The following CUL1 variants were observed in gnomAD, a reference collection of about 807,000 sequenced individuals.
The protein encoded by CUL1 is cullin-1.
CUL1 carries 24 observed loss-of-function variants against 118.0 expected under a neutral mutation model. The ratio of observed to expected loss-of-function variants is 0.20; its 90% confidence interval spans 0.15 to 0.29. The LOEUF is 0.29. Among genes scored for constraint, CUL1 ranks in the 10% least tolerant of loss-of-function variants. The probability of loss-of-function intolerance (pLI) is 1.00; values close to 1 mark genes in which losing one functional copy is unlikely to be tolerated. For missense variants in CUL1, 361 were observed against 933.8 expected, an observed-to-expected ratio of 0.39 and a Z score of 7.99; for synonymous variants, 332 against 340.4, an observed-to-expected ratio of 0.98 and a Z score of 0.27.
rs34247883 is a variant in CUL1 at position 148,782,850 on chromosome 7, C to T, written c.1084-933C>T. Among the ~76,000 whole-genome samples the T allele has an allele frequency of 7.4e-4, 113 of 152,188 alleles. 1 individual carries two copies. Among genetic ancestry groups the T allele is most frequent in the African/African-American group, 2.3e-3 (96 of 41,508 alleles). ...ATGTGGAAACATGGGCGTGCCGCGG[C>T]GCCTGGATCTGTGCTTGGCTGGGGG... is the stretch of plus-strand genomic sequence containing the variant. On this transcript the variant is annotated intron_variant, in intron 9 of 21. Coordinates refer to ENST00000325222, the MANE Select transcript of CUL1 (RefSeq NM_003592.3).
chr7:148,782,532 CTTTTAATG>C, intron 9 of CUL1, among the ~76,000 whole-genome samples: 1 of 152,274 alleles, frequency 6.6e-6, no homozygotes, highest in South Asian at 2.1e-4. Context: ...ATTAAGTTCC[CTTTTAATG>C]TTTTCTCTTA....
At chr7:148,747,088 C>T (rs964093784) in intron 2 of CUL1, among the ~76,000 whole-genome samples, 7 of 152,184 alleles carry the variant, frequency 4.6e-5, no homozygotes, top group Non-Finnish European at 1.0e-4. Context: ...AAAAGGAATG[C>T]ACTTGTTGAA....
chr7:148,747,455 G>A (rs546132874), intron 2 of CUL1, among the ~76,000 whole-genome samples: 3 of 152,328 alleles, frequency 2.0e-5, no homozygotes, highest in Non-Finnish European at 2.9e-5. Flanking sequence ...ATAAGGACTT[G>A]AGCAAGGTAG....
intron 11 of CUL1, 45 bp from the exon 12 acceptor site, chr7:148,786,506 A>G: frequency 6.8e-7 from 1 of 1,475,348 alleles, no homozygotes; most frequent in South Asian, 1.1e-5. Flanking sequence ...TGCTTGTTTA[A>G]ACGTACTGAT....
At chr7:148,697,858 T>C (rs1797574150), upstream of CUL1, 1 of 152,242 alleles carries the variant, frequency 6.6e-6, no homozygotes. Flanking sequence ...TTCCAAATAG[T>C]CAATTATGAC....
intron 2 of CUL1, among the ~76,000 whole-genome samples, chr7:148,731,132 G>A (rs1437850706): frequency 6.6e-6 from 1 of 152,244 alleles, no homozygotes; most frequent in East Asian, 1.9e-4. Flanking sequence ...CAAAGGTGAT[G>A]AGGGTGGAAA....
chr7:148,774,137 G>A (rs1800320480), intron 9 of CUL1, among the ~76,000 whole-genome samples: 1 of 152,198 alleles, frequency 6.6e-6, no homozygotes, highest in African/African-American at 2.4e-5. Context: ...TGTGTGCAAT[G>A]CAGTCCGTTA....
At chr7:148,736,571 GGGGTTATA>G (rs1233050789) in intron 2 of CUL1, among the ~76,000 whole-genome samples, 1 of 152,136 alleles carries the variant, frequency 6.6e-6, no homozygotes, top group African/African-American at 2.4e-5. Context: ...CCAAAGTTGT[GGGGTTATA>G]GGCATGAACC....
At chr7:148,761,443 G>A (rs528385714) in intron 7 of CUL1, among the ~76,000 whole-genome samples, 7 of 152,274 alleles carry the variant, frequency 4.6e-5, no homozygotes, top group Admixed American at 6.5e-5. Context: ...CCTGGGAGGC[G>A]GAGGTTGCAG....
chr7:148,781,424 A>G (rs1172493979), intron 9 of CUL1, among the ~76,000 whole-genome samples: 1 of 152,110 alleles, frequency 6.6e-6, no homozygotes, highest in African/African-American at 2.4e-5. Flanking sequence ...GTTCCATGCA[A>G]GTCCTCCCAT....
intron 20 of CUL1, 147 bp from the exon 21 acceptor site, chr7:148,799,128 G>T (rs891471538): frequency 3.3e-6 from 2 of 606,544 alleles, no homozygotes; most frequent in South Asian, 2.1e-5. Flanking sequence ...TCCCTCTCCC[G>T]TCTCACCTGC....
At chr7:148,699,692 G>A (rs1797654594) in intron 1 of CUL1, among the ~76,000 whole-genome samples, 1 of 151,988 alleles carries the variant, frequency 6.6e-6, no homozygotes. Flanking sequence ...CCGTTCTCCT[G>A]GGAGAGCGGG....
chr7:148,706,633 A>T (rs73465476), intron 1 of CUL1, among the ~76,000 whole-genome samples: 1 of 125,836 alleles, frequency 7.9e-6, no homozygotes, highest in African/African-American at 3.0e-5. Flanking sequence ...TACATGTTCT[A>T]TATATAGGGG....
intron 2 of CUL1, among the ~76,000 whole-genome samples, chr7:148,750,133 G>A (rs1426889089): frequency 6.6e-6 from 1 of 152,146 alleles, no homozygotes; most frequent in Non-Finnish European, 1.5e-5. Context: ...AAGAAAAGAA[G>A]CCATCTTTTA....
At chr7:148,703,092 T>G (rs1222458710) in intron 1 of CUL1, among the ~76,000 whole-genome samples, 1 of 152,182 alleles carries the variant, frequency 6.6e-6, no homozygotes, top group African/African-American at 2.4e-5. Flanking sequence ...AGCTCAGGCT[T>G]TTAACCAGAT....
At chr7:148,782,489 T>C (rs1800674276) in intron 9 of CUL1, among the ~76,000 whole-genome samples, 1 of 152,264 alleles carries the variant, frequency 6.6e-6, no homozygotes, top group African/African-American at 2.4e-5. Context: ...TGCCTTTCAA[T>C]ATTAAGTGAT....
chr7:148,737,132 A>G (rs1198209469), intron 2 of CUL1, among the ~76,000 whole-genome samples: 1 of 151,798 alleles, frequency 6.6e-6, no homozygotes, highest in African/African-American at 2.4e-5. Flanking sequence ...GAAATTGTAT[A>G]TCTGTCTTAA....
chr7:148,786,009 T>G (rs1460804700), intron 11 of CUL1, among the ~76,000 whole-genome samples: 1 of 152,202 alleles, frequency 6.6e-6, no homozygotes, highest in Non-Finnish European at 1.5e-5. Flanking sequence ...GTACAAAAAT[T>G]CATCTACCTT....
intron 2 of CUL1, among the ~76,000 whole-genome samples, chr7:148,743,043 A>G (rs932372435): frequency 2.0e-5 from 3 of 152,244 alleles, no homozygotes; most frequent in African/African-American, 7.2e-5. Context: ...TGAATTATAT[A>G]GGAAGATATT....
Sources: allele counts gnomAD v4.1 joint callset (sites outside exome capture counted in the v4.1 genomes callset), GRCh38; gene constraint gnomAD v4.1.1; transcripts MANE v1.5; gene names NCBI Gene and HGNC (gene_info 2026-07-23, HGNC 2026-07-21).